Variants in MARCHF1 observed in about 807,000 individuals in gnomAD.
MARCHF1 encodes membrane associated ring-CH-type finger 1.
A neutral mutation model predicts 54.2 loss-of-function variants in MARCHF1; 40 were observed. That is an observed-to-expected ratio of 0.74 (90% CI 0.57 to 0.96). MARCHF1 has a LOEUF of 0.96. Ranked by LOEUF, MARCHF1 falls within the 40% of genes least tolerant of loss-of-function variation. The pLI, the probability that MARCHF1 is intolerant of heterozygous loss-of-function variation, is 0.00. For missense variants in MARCHF1, 586 were observed against 656.5 expected, an observed-to-expected ratio of 0.89 and a Z score of 1.17; for synonymous variants, 236 against 236.3, an observed-to-expected ratio of 1.00 and a Z score of 0.01.
At chr4:163,733,209 A>ACATACACATGTG (rs1326898710) in intron 4 of MARCHF1, among the ~76,000 whole-genome samples, 3 of 35,738 alleles carry the variant, frequency 8.4e-5, no homozygotes, top group Admixed American at 6.6e-4. Context: ...ATATATATAT[A>ACATACACATGTG]TATATATATA....
At chr4:164,196,581 C>T (rs919749209) in intron 1 of MARCHF1, among the ~76,000 whole-genome samples, 3 of 151,738 alleles carry the variant, frequency 2.0e-5, no homozygotes, top group African/African-American at 7.3e-5. Context: ...TTTGTTAAAT[C>T]CTGGAGCTTA....
chr4:164,342,385 A>G (rs1403050421), intron 1 of MARCHF1, among the ~76,000 whole-genome samples: 1 of 152,128 alleles, frequency 6.6e-6, no homozygotes, highest in Admixed American at 6.5e-5. Context: ...TACAGCTCTC[A>G]TGGAAAACAT....
intron 4 of MARCHF1, among the ~76,000 whole-genome samples, chr4:163,765,833 T>C (rs1413664327): frequency 1.4e-5 from 2 of 147,898 alleles, no homozygotes. Flanking sequence ...TAGATATAGA[T>C]ATAGATATAG....
intron 3 of MARCHF1, among the ~76,000 whole-genome samples, chr4:163,919,965 G>C (rs1024073583): frequency 1.3e-5 from 2 of 152,172 alleles, no homozygotes; most frequent in Non-Finnish European, 2.9e-5. Context: ...TCATTAGAGT[G>C]TAATCTTGGT....
At chr4:164,015,756 G>A (rs1023500158) in intron 2 of MARCHF1, among the ~76,000 whole-genome samples, 2 of 152,042 alleles carry the variant, frequency 1.3e-5, no homozygotes, top group African/African-American at 4.8e-5. Flanking sequence ...ATGACAGTGA[G>A]ATATTATTTC....
downstream of MARCHF1, chr4:163,524,475 C>T (rs1285275794): frequency 1.3e-5 from 2 of 152,160 alleles, no homozygotes; most frequent in African/African-American, 4.8e-5. Context: ...CTTTAGATTA[C>T]ATTGTGATTT....
At chr4:163,623,815 G>A (rs543842146) in intron 5 of MARCHF1, among the ~76,000 whole-genome samples, 1 of 152,026 alleles carries the variant, frequency 6.6e-6, no homozygotes, top group Non-Finnish European at 1.5e-5. Flanking sequence ...TAATCCCGGG[G>A]TGACTTCCTA....
intron 4 of MARCHF1, among the ~76,000 whole-genome samples, chr4:163,720,401 A>G (rs1467534947): frequency 6.6e-6 from 1 of 152,212 alleles, no homozygotes; most frequent in African/African-American, 2.4e-5. Context: ...CTGTTTTAGT[A>G]CCAGTACCAT....
chr4:163,700,554 A>AAGGAAGGC (rs1744779531), intron 5 of MARCHF1, among the ~76,000 whole-genome samples: 1 of 149,764 alleles, frequency 6.7e-6, no homozygotes, highest in Non-Finnish European at 1.5e-5. Context: ...GGAAGGAAGG[A>AAGGAAGGC]AGGAAGGAAG....
chr4:164,200,716 G>T lies in MARCHF1; in HGVS notation c.-322-89054C>A, dbSNP rs541320995. Among the ~76,000 whole-genome samples, 5 of 152,268 alleles carry T rather than the reference G, an allele frequency of 3.3e-5. No individual in the cohort carries two copies. In the South Asian group the frequency reaches 1.0e-3, roughly 32 times the overall value. On this transcript the variant is annotated intron_variant, in intron 1 of 9. Transcript: ENST00000514618. Reference sequence around the variant, plus strand: ...AAATATCCCTCCTTTAATGACCCAGGTATCCTAGTAAGAGTAAAGAAAGAA... The same window carrying T: ...AAATATCCCTCCTTTAATGACCCAGTTATCCTAGTAAGAGTAAAGAAAGAA...
rs1169453713 is a variant in MARCHF1, at chr4:163,891,479, C to T, written c.-38-37310G>A. 5.3e-5 allele frequency among the ~76,000 whole-genome samples: 8 copies of T among 149,896 alleles called. No homozygotes were observed. In the East Asian group the frequency reaches 1.2e-3, roughly 22 times the overall value. On this transcript the variant is annotated intron_variant, in intron 3 of 9. Transcript: ENST00000514618. ...ATAAAGCTACACCATTTTTTTTTTC[C>T]GAATTATGTTTCACAAAGGAGCACT...
chr4:163,804,036 C>T (rs769758676), intron 4 of MARCHF1, among the ~76,000 whole-genome samples: 1 of 152,170 alleles, frequency 6.6e-6, no homozygotes, highest in African/African-American at 2.4e-5. Flanking sequence ...TTAAGGTTCA[C>T]TCTTGACTGA....
chr4:163,728,000 T>C (rs1279189377), intron 4 of MARCHF1, among the ~76,000 whole-genome samples: 1 of 152,194 alleles, frequency 6.6e-6, no homozygotes, highest in African/African-American at 2.4e-5. Context: ...TTTATTCCCT[T>C]TGCTCCTTTG....
chr4:163,737,712 T>C (rs1184024640), intron 4 of MARCHF1, among the ~76,000 whole-genome samples: 1 of 122,310 alleles, frequency 8.2e-6, no homozygotes, highest in African/African-American at 2.6e-5. Context: ...CTATGAGATA[T>C]CATCTCACAC....
chr4:163,860,701 A>G (rs1371913276), intron 3 of MARCHF1, among the ~76,000 whole-genome samples: 1 of 152,214 alleles, frequency 6.6e-6, no homozygotes, highest in Admixed American at 6.5e-5. Context: ...TAAAACAGTG[A>G]TGTATAGCTT....
chr4:164,346,182 G>A (rs1467030811), intron 1 of MARCHF1, among the ~76,000 whole-genome samples: 2 of 152,074 alleles, frequency 1.3e-5, no homozygotes, highest in African/African-American at 2.4e-5. Context: ...GAGTTAAACA[G>A]AACTAAACAG....
chr4:163,818,290 C>A (rs1441237549), intron 4 of MARCHF1, among the ~76,000 whole-genome samples: 1 of 151,656 alleles, frequency 6.6e-6, no homozygotes, highest in Non-Finnish European at 1.5e-5. Flanking sequence ...CCCGGGTATA[C>A]CTACAGGATG....
chr4:163,718,975 A>G (rs767370950), intron 4 of MARCHF1, among the ~76,000 whole-genome samples: 9 of 152,190 alleles, frequency 5.9e-5, no homozygotes, highest in Admixed American at 3.3e-4. Flanking sequence ...GTTCTGCCAC[A>G]TGTCCAACTC....
intron 2 of MARCHF1, among the ~76,000 whole-genome samples, chr4:164,013,219 G>A (rs778696318): frequency 3.3e-5 from 5 of 152,080 alleles, no homozygotes; most frequent in African/African-American, 4.8e-5. Context: ...AAAAACTCAA[G>A]CAGGCATTCT....
Sources: allele counts gnomAD v4.1 joint callset (sites outside exome capture counted in the v4.1 genomes callset), GRCh38; gene constraint gnomAD v4.1.1; transcripts MANE v1.5; gene names NCBI Gene and HGNC (gene_info 2026-07-23, HGNC 2026-07-21).